PER2: variants seen among roughly 807,000 people sequenced by gnomAD.
PER2 encodes period circadian protein homolog 2.
A neutral mutation model predicts 121.0 loss-of-function variants in PER2; 66 were observed. The observed-to-expected ratio is 0.55, with a 90% CI of 0.45 to 0.67. The LOEUF (loss-of-function observed/expected upper bound fraction) is 0.67, where lower values mean the gene tolerates loss of function less well. Ranked by LOEUF, PER2 falls within the 30% of genes least tolerant of loss-of-function variation. PER2 has a pLI of 0.00. For synonymous variants in PER2, 684 were observed against 659.9 expected (o/e 1.04, Z -0.56); for missense variants, 1,521 against 1,635.0 (o/e 0.93, Z 1.20).
chr2:238,260,108 T>G (rs1484947155), intron 13 of PER2, 55 bp from the exon 14 acceptor site: 2 of 779,616 alleles, frequency 2.6e-6, no homozygotes, highest in African/African-American at 3.5e-5. Flanking sequence ...TCCTTCAGTC[T>G]GTCCGGCAAA....
chr2:238,290,328 ACCCAGGCCCGGCT>A (rs1308646842), upstream of PER2, among the ~76,000 whole-genome samples: 3 of 152,014 alleles, frequency 2.0e-5, no homozygotes, highest in Non-Finnish European at 2.9e-5. Context: ...TGCCAAGCAA[ACCCAGGCCCGGCT>A]GCTGCGCCCT....
intron 17 of PER2, 143 bp downstream of exon 17, chr2:238,256,779 T>G: frequency 2.2e-6 from 2 of 891,802 alleles, no homozygotes; most frequent in Non-Finnish European, 3.5e-6. Flanking sequence ...CACCCTGCAT[T>G]TTACGTAACT....
intron 20 of PER2, among the ~76,000 whole-genome samples, chr2:238,251,369 T>C (rs1028056679): frequency 4.6e-5 from 7 of 152,212 alleles, no homozygotes; most frequent in Non-Finnish European, 1.0e-4. Context: ...GTGAGGCCTG[T>C]AGGCACTGAA....
At chr2:238,246,647 C>T (rs1465539689) in intron 22 of PER2, 123 bp from the exon 23 acceptor site, 8 of 628,052 alleles carry the variant, frequency 1.3e-5, no homozygotes, top group African/African-American at 1.8e-5. Context: ...GAGGCCGAGG[C>T]GGGCAGATCA....
chr2:238,251,089 G>A (rs1183895992), intron 20 of PER2, among the ~76,000 whole-genome samples: 4 of 152,254 alleles, frequency 2.6e-5, no homozygotes, highest in Non-Finnish European at 5.9e-5. Context: ...GAGGCAGCTG[G>A]CCTGGAGCGC....
chr2:238,268,248 T>C lies in PER2; in HGVS notation c.825-50A>G. On this transcript the variant is annotated intron_variant, in intron 7 of 22. Coordinates refer to ENST00000254657, the MANE Select transcript of PER2 (RefSeq NM_022817.3). The surrounding 1 kb of genome is among the most constrained non-coding windows in gnomAD (Gnocchi z 4.0). Reference sequence around the variant, plus strand: ...GTTGGGAACTGTGACACAGGAACAGTCCCCTGTTCTGTTCCCTCCTCACCT... The same window carrying C: ...GTTGGGAACTGTGACACAGGAACAGCCCCCTGTTCTGTTCCCTCCTCACCT... 1 of 1,589,020 alleles carries C rather than the reference T, an allele frequency of 6.3e-7. No homozygotes were observed. The highest frequency in any genetic ancestry group is 8.6e-7 in the Non-Finnish European group (1 of 1,161,616).
At chr2:238,255,275 T>A (rs1249163118) in intron 18 of PER2, 1 of 336,598 alleles carries the variant, frequency 3.0e-6, no homozygotes, top group Non-Finnish European at 5.7e-6. Context: ...CCCTCCTTCC[T>A]CATGTGCCCA....
At chr2:238,281,243 C>T (rs1696620717) in intron 1 of PER2, among the ~76,000 whole-genome samples, 1 of 152,150 alleles carries the variant, frequency 6.6e-6, no homozygotes, top group African/African-American at 2.4e-5. Flanking sequence ...ACCTCGTGAT[C>T]TGCCCACCTC....
chr2:238,297,689 G>T, the PER2 span, among the ~76,000 whole-genome samples: 1 of 152,218 alleles, frequency 6.6e-6, no homozygotes, highest in Non-Finnish European at 1.5e-5. Flanking sequence ...GGGCTTGCTA[G>T]ACACGGTAGC....
intron 14 of PER2, 126 bp from the exon 15 acceptor site, chr2:238,258,770 G>A: frequency 1.1e-6 from 1 of 950,192 alleles, no homozygotes; most frequent in Non-Finnish European, 1.6e-6. Context: ...CATGAGTATG[G>A]AAGCCTGGGG....
At chr2:238,269,824 G>A (rs1696231204) in intron 6 of PER2, among the ~76,000 whole-genome samples, 1 of 152,266 alleles carries the variant, frequency 6.6e-6, no homozygotes, top group Admixed American at 6.5e-5. Flanking sequence ...TATCTTGGAA[G>A]CTAAGCCTCC....
intron 14 of PER2, among the ~76,000 whole-genome samples, chr2:238,259,575 G>C (rs538816943): frequency 3.3e-5 from 5 of 152,240 alleles, no homozygotes; most frequent in African/African-American, 9.6e-5. Flanking sequence ...TGAGTGAAGG[G>C]TTTGCAAGTG....
At chr2:238,264,441 G>T (rs992051310) in intron 9 of PER2, among the ~76,000 whole-genome samples, 6 of 152,152 alleles carry the variant, frequency 3.9e-5, no homozygotes, top group Non-Finnish European at 2.9e-5. Flanking sequence ...GTGTGGCCCT[G>T]ACTCCAAGGA....
In PER2 at chr2:238,261,959, C is replaced by G. The variant is rs1054062191; in HGVS notation, c.1308-122G>C. On this transcript the variant is annotated intron_variant, in intron 11 of 22. Coordinates refer to ENST00000254657, the MANE Select transcript of PER2 (RefSeq NM_022817.3). ...CCTCTGCCTCTCCCCTGCAGCCCCCCAGGCTGCTGCCTGTCCACTCCCTAC... is the reference window on the plus strand; with the variant it reads ...CCTCTGCCTCTCCCCTGCAGCCCCCGAGGCTGCTGCCTGTCCACTCCCTAC... The G allele has an allele frequency of 3.7e-5, 28 of 760,150 alleles. No homozygotes were observed. In the African/African-American group the frequency reaches 4.3e-4, roughly 12 times the overall value. The allele number at this position is 760,150 out of a possible 1,614,324, so 47.1% of individuals were successfully genotyped here. A position where few individuals can be genotyped will look rare whatever the true frequency, so the allele number is the denominator to read the frequency against.
chr2:238,278,841 A>G (rs918825335), intron 1 of PER2, among the ~76,000 whole-genome samples: 1 of 152,150 alleles, frequency 6.6e-6, no homozygotes, highest in African/African-American at 2.4e-5. Context: ...GGGCCAGGAC[A>G]ATGTGGCTTC....
At chr2:238,271,916 C>G (rs1016668090) in intron 5 of PER2, among the ~76,000 whole-genome samples, 2 of 152,078 alleles carry the variant, frequency 1.3e-5, no homozygotes, top group African/African-American at 2.4e-5. Context: ...ACCTCCCCTC[C>G]TCCCAGAGAG....
chr2:238,245,616 C>T lies in PER2; in HGVS notation c.*759G>A, dbSNP rs1042358990. ...ATATTTTAATCTCCATATTGGCCAT[C>T]ATGGTCTGAAAAGGAGACAAGAATA... On this transcript the variant is annotated 3_prime_UTR_variant, in exon 23 of 23. Transcript: ENST00000254657. The T allele has an allele frequency of 2.5e-6, 1 of 398,658 alleles. No individual in the cohort carries two copies. Among genetic ancestry groups the T allele is most frequent in the Non-Finnish European group, 4.4e-6 (1 of 226,084 alleles). The allele number at this position is 398,658 out of a possible 1,614,324, so 24.7% of individuals were successfully genotyped here.
Position 238,246,360 on chromosome 2 carries a change from G to A in PER2, c.*15C>T. ...GGTGTACCTCGCTGGCTGCCGGGCTGAGGTGGGGCAGGGGTTACGTCTGCT... is the reference window on the plus strand; with the variant it reads ...GGTGTACCTCGCTGGCTGCCGGGCTAAGGTGGGGCAGGGGTTACGTCTGCT... On this transcript the variant is annotated 3_prime_UTR_variant, in exon 23 of 23. Transcript: ENST00000254657. The A allele has an allele frequency of 1.3e-6, 2 of 1,586,374 alleles. No homozygotes were observed. The highest frequency in any genetic ancestry group is 2.3e-5 in the East Asian group (1 of 44,422).
chr2:238,262,410 C>T, intron 10 of PER2, 66 bp from the exon 11 acceptor site: 2 of 1,529,046 alleles, frequency 1.3e-6, no homozygotes, highest in African/African-American at 2.7e-5. Flanking sequence ...TAGAGAGAGA[C>T]AAGTCAAGAG....
Sources: gnomAD v4.1 joint callset for allele counts (sites outside exome capture counted in the v4.1 genomes callset) on GRCh38, gnomAD v4.1.1 for gene constraint, Gnocchi (gnomAD v3.1) non-coding constraint, MANE v1.5 for transcripts, NCBI Gene and HGNC (gene_info 2026-07-23, HGNC 2026-07-21) for gene names.